Variants in IL12RB2 observed in about 807,000 individuals in gnomAD.
IL12RB2 encodes the protein interleukin 12 receptor subunit beta 2, also known as interleukin-12 receptor subunit beta-2.
In IL12RB2, 82 loss-of-function variants were observed where a neutral mutation model predicts 89.4. The ratio of observed to expected loss-of-function variants is 0.92; its 90% CI spans 0.77 to 1.10. The LOEUF (loss-of-function observed/expected upper bound fraction) is 1.10. Ranked by LOEUF, IL12RB2 falls within the 50% of genes least tolerant of loss-of-function variation. IL12RB2 has a pLI of 0.00. For missense variants in IL12RB2, 963 were observed against 1,031.9 expected (o/e 0.93, Z 0.92); for synonymous variants, 368 against 370.1 (o/e 0.99, Z 0.07).
intron 16 of IL12RB2, among the ~76,000 whole-genome samples, chr1:67,395,129 A>G (rs1043199265): frequency 6.6e-6 from 1 of 152,106 alleles, no homozygotes; most frequent in Non-Finnish European, 1.5e-5. Context: ...TTAGCCAGGC[A>G]TGGTGGCACA....
chr1:67,379,830 AG>A, intron 13 of IL12RB2, 155 bp from the exon 14 acceptor site: 1 of 642,726 alleles, frequency 1.6e-6, no homozygotes, highest in Non-Finnish European at 2.8e-6. Context: ...GGGCCTATTA[AG>A]GTATTAAGTA....
chr1:67,308,886 G>T (rs1654643977), intron 1 of IL12RB2, among the ~76,000 whole-genome samples: 1 of 152,114 alleles, frequency 6.6e-6, no homozygotes, highest in African/African-American at 2.4e-5. Context: ...TGGGCATGAT[G>T]ACGCACACCT....
intron 1 of IL12RB2, among the ~76,000 whole-genome samples, chr1:67,310,141 G>A (rs192718440): frequency 5.4e-5 from 7 of 129,122 alleles, no homozygotes; most frequent in Non-Finnish European, 7.7e-5. Context: ...CAGAGATCAC[G>A]CCACTGCACT....
intron 8 of IL12RB2, among the ~76,000 whole-genome samples, chr1:67,333,119 C>T (rs1011156937): frequency 6.6e-6 from 1 of 152,138 alleles, no homozygotes; most frequent in African/African-American, 2.4e-5. Flanking sequence ...TGAGATACAC[C>T]ACCTTTACCA....
chr1:67,327,152 G>A lies in IL12RB2; in HGVS notation c.479+303G>A, dbSNP rs535522923. ...ATTTTTGTATTTTTAGCAGAGACGG[G>A]GTTTCACCATGTTGGCCAGGATGGT... is the stretch of plus-strand genomic sequence containing the variant. On this transcript the variant is annotated intron_variant, in intron 5 of 16. Transcript: ENST00000674203. Among the ~76,000 whole-genome samples the A allele has an allele frequency of 9.2e-5, 14 of 151,810 alleles. No individual in the cohort carries two copies. The South Asian group carries it at 2.1e-3, about 23-fold the overall frequency.
At chr1:67,318,700 A>G (rs534458630) in intron 2 of IL12RB2, among the ~76,000 whole-genome samples, 1 of 152,304 alleles carries the variant, frequency 6.6e-6, no homozygotes, top group African/African-American at 2.4e-5. Context: ...AAGGGTGCCA[A>G]GAATTTAAAC....
chr1:67,324,699 G>A (rs901759075), intron 4 of IL12RB2, among the ~76,000 whole-genome samples: 3 of 152,184 alleles, frequency 2.0e-5, no homozygotes, highest in Non-Finnish European at 4.4e-5. Flanking sequence ...ACGACTCTCA[G>A]ACCACCTGTG....
intron 9 of IL12RB2, among the ~76,000 whole-genome samples, chr1:67,348,220 T>A (rs1201453910): frequency 2.0e-5 from 3 of 152,124 alleles, no homozygotes; most frequent in Non-Finnish European, 4.4e-5. Context: ...CCCAAACTGA[T>A]GAACTCATGC....
chr1:67,372,850 G>T (rs948962926), intron 13 of IL12RB2, 67 bp downstream of exon 13: 49 of 1,060,594 alleles, frequency 4.6e-5, no homozygotes, highest in Non-Finnish European at 6.8e-5. Context: ...ACACAAGGAG[G>T]TGTGTGTGCA....
In IL12RB2 at chr1:67,386,615, T is replaced by C; in HGVS notation, c.1892T>C (p.Ile631Thr). The change falls in exon 15 of 17, where the codon ATT becomes ACT. Residue 631 changes from isoleucine (I) to threonine (T), a missense_variant. By Grantham distance (89) the Ile-to-Thr change is moderately conservative. Coordinates refer to ENST00000674203, the MANE Select transcript of IL12RB2 (RefSeq NM_001374259.2). ...ANWMAFVAPS[I>T]CIAIIMVGIF... ...TGGATGGCGTTTGTGGCACCAAGCA[T>C]TTGCATTGCTATCATCATGGTGGGC... The C allele has an allele frequency of 6.2e-7, 1 of 1,613,748 alleles. No homozygotes were observed. Among genetic ancestry groups the C allele is most frequent in the Middle Eastern group, 1.7e-4 (1 of 6,060 alleles).
At position 67,398,275 on chromosome 1, in the gene IL12RB2, A is replaced by C. The variant is rs1303003121; in HGVS notation, c.*2186A>C. On this transcript the variant is annotated 3_prime_UTR_variant, in exon 17 of 17. Transcript: ENST00000674203. ...AAGGCCACCTCCTCAGAAGCGGAAC[A>C]ACCTATTATCTTTTGGCAATGGGAG... 6.6e-6 allele frequency among the ~76,000 whole-genome samples: 1 copy of C among 152,104 alleles called. No individual in the cohort carries two copies. The highest frequency in any genetic ancestry group is 2.4e-5 in the African/African-American group (1 of 41,410).
chr1:67,337,524 G>A (rs536277806), intron 8 of IL12RB2, among the ~76,000 whole-genome samples: 1 of 152,292 alleles, frequency 6.6e-6, no homozygotes, highest in East Asian at 1.9e-4. Flanking sequence ...AGTATGTTTG[G>A]TTGAAATTAA....
intron 9 of IL12RB2, among the ~76,000 whole-genome samples, chr1:67,340,916 T>C (rs1659453656): frequency 6.6e-6 from 1 of 152,240 alleles, no homozygotes; most frequent in Non-Finnish European, 1.5e-5. Context: ...CCTTTCATTA[T>C]AAACATGGCT....
chr1:67,326,647 A>G, intron 4 of IL12RB2, 88 bp from the exon 5 acceptor site: 1 of 1,541,922 alleles, frequency 6.5e-7, no homozygotes. Flanking sequence ...CATGTGGGGG[A>G]CGTATTGTCA....
chr1:67,392,623 CTTTTTTT>C (rs527587132), intron 16 of IL12RB2, among the ~76,000 whole-genome samples: 1 of 84,248 alleles, frequency 1.2e-5, no homozygotes, highest in African/African-American at 4.8e-5. Context: ...TTTTAGATAT[CTTTTTTT>C]TTTTTTTTTT....
intron 9 of IL12RB2, among the ~76,000 whole-genome samples, chr1:67,345,814 G>T (rs1360512735): frequency 6.6e-6 from 1 of 152,126 alleles, no homozygotes; most frequent in Non-Finnish European, 1.5e-5. Context: ...CTGAAAGTAG[G>T]GAATTTTGAT....
chr1:67,367,207 A>G (rs1399452028), intron 10 of IL12RB2, among the ~76,000 whole-genome samples: 4 of 151,686 alleles, frequency 2.6e-5, no homozygotes, highest in Non-Finnish European at 5.9e-5. Context: ...AGCCTGGGCA[A>G]CGTAGCAAGA....
intron 11 of IL12RB2, among the ~76,000 whole-genome samples, chr1:67,370,636 G>A (rs899144286): frequency 6.6e-6 from 1 of 152,202 alleles, no homozygotes; most frequent in African/African-American, 2.4e-5. Flanking sequence ...TGGGAAATGA[G>A]TCGGAAATTG....
chr1:67,353,957 G>T (rs1485785062), intron 10 of IL12RB2, among the ~76,000 whole-genome samples: 1 of 152,140 alleles, frequency 6.6e-6, no homozygotes, highest in Non-Finnish European at 1.5e-5. Flanking sequence ...TTATGTTAGA[G>T]TTCATTTCTA....
Sources: gnomAD v4.1 joint callset for allele counts (sites outside exome capture counted in the v4.1 genomes callset) on GRCh38, gnomAD v4.1.1 for gene constraint, MANE v1.5 for transcripts, NCBI Gene and HGNC (gene_info 2026-07-23, HGNC 2026-07-21) for gene names.